SLC2A13: variants seen among roughly 807,000 people sequenced by gnomAD.
SLC2A13 encodes the protein proton myo-inositol cotransporter.
A neutral mutation model predicts 64.4 loss-of-function variants in SLC2A13; 32 were observed. That is an observed-to-expected ratio of 0.50 (90% CI 0.37 to 0.67). SLC2A13 has a LOEUF of 0.67. Among genes scored for constraint, SLC2A13 ranks in the 30% least tolerant of loss-of-function variants. SLC2A13 has a pLI of 0.00. For synonymous variants in SLC2A13, 338 were observed against 327.1 expected (o/e 1.03, Z -0.36); for missense variants, 743 against 829.2 (o/e 0.90, Z 1.28).
At chr12:40,010,339 TATTG>T (rs1467583335) in intron 3 of SLC2A13, among the ~76,000 whole-genome samples, 19 of 152,328 alleles carry the variant, frequency 1.2e-4, no homozygotes, top group African/African-American at 4.3e-4. Context: ...TTGTCTGAAA[TATTG>T]ATTATTAGGG....
At chr12:39,874,931 TA>T (rs2135946067) in intron 4 of SLC2A13, among the ~76,000 whole-genome samples, 1 of 152,310 alleles carries the variant, frequency 6.6e-6, no homozygotes, top group African/African-American at 2.4e-5. Flanking sequence ...TGGAAAACAG[TA>T]AGGGGAGGAG....
intron 3 of SLC2A13, among the ~76,000 whole-genome samples, chr12:40,023,727 A>G (rs1947759175): frequency 6.6e-6 from 1 of 152,170 alleles, no homozygotes; most frequent in Admixed American, 6.5e-5. Context: ...CCCTACTTTT[A>G]ATATCATCTC....
chr12:39,865,796 T>C (rs1015525448), intron 5 of SLC2A13, among the ~76,000 whole-genome samples: 1 of 152,212 alleles, frequency 6.6e-6, no homozygotes. Flanking sequence ...TAATGCTGCA[T>C]GTTCTCATTT....
At chr12:40,068,279 G>A in intron 1 of SLC2A13, 1 of 385,382 alleles carries the variant, frequency 2.6e-6, no homozygotes, top group South Asian at 1.9e-5. Context: ...TGCTTCTAAA[G>A]ACATCAGAAT....
At chr12:40,045,294 T>C (rs1948153621) in intron 2 of SLC2A13, among the ~76,000 whole-genome samples, 1 of 152,048 alleles carries the variant, frequency 6.6e-6, no homozygotes, top group Non-Finnish European at 1.5e-5. Context: ...AATATGAGTA[T>C]GGAAAAGAAA....
chr12:40,068,903 G>A (rs1167839582), intron 1 of SLC2A13, among the ~76,000 whole-genome samples: 3 of 151,344 alleles, frequency 2.0e-5, no homozygotes, highest in African/African-American at 7.3e-5. Flanking sequence ...AAGTCACAAA[G>A]AAAGAGCTAG....
intron 7 of SLC2A13, among the ~76,000 whole-genome samples, chr12:39,826,854 A>ATTTTTTTTTTTTTTTTTTTTTTTT (rs63699664): frequency 1.5e-5 from 1 of 67,416 alleles, no homozygotes; most frequent in Non-Finnish European, 2.5e-5. Flanking sequence ...GTCTCTTTCA[A>ATTTTTTTTTTTTTTTTTTTTTTTT]TTTTTTTTTT....
At chr12:39,826,880 A>G (rs1332884488) in intron 7 of SLC2A13, among the ~76,000 whole-genome samples, 1 of 23,092 alleles carries the variant, frequency 4.3e-5, no homozygotes, top group Non-Finnish European at 7.7e-5. Context: ...TTTGCAATGC[A>G]AGGTTCTTTA....
chr12:40,105,200 T>C lies in SLC2A13; in HGVS notation c.556+53A>G. ...GGCAAGAGGCACGCAACACCCAGGG[T>C]CAAGGGCGGTGACAATGGGATCCCG... On this transcript the variant is annotated intron_variant, in intron 1 of 9. Transcript: ENST00000280871. The surrounding 1 kb of genome is among the most constrained non-coding windows in gnomAD (Gnocchi z 4.2). 2.0e-6 allele frequency: 3 copies of C among 1,485,002 alleles called. No individual in the cohort carries two copies. The East Asian group carries it at 7.6e-5, about 38-fold the overall frequency. The allele number at this position is 1,485,002 out of a possible 1,614,324, so 92.0% of individuals were successfully genotyped here.
At chr12:40,065,784 C>T in intron 1 of SLC2A13, among the ~76,000 whole-genome samples, 1 of 152,126 alleles carries the variant, frequency 6.6e-6, no homozygotes, top group East Asian at 1.9e-4. Flanking sequence ...AGGAGCTAAA[C>T]AATAATTTCT....
chr12:39,968,461 C>G (rs1216588885), intron 3 of SLC2A13, among the ~76,000 whole-genome samples: 4 of 152,014 alleles, frequency 2.6e-5, no homozygotes, highest in African/African-American at 9.7e-5. Flanking sequence ...TCCCTTCCAA[C>G]ACAAAGATTC....
At chr12:39,900,185 G>A (rs1016758967) in intron 4 of SLC2A13, among the ~76,000 whole-genome samples, 5 of 151,992 alleles carry the variant, frequency 3.3e-5, no homozygotes, top group South Asian at 2.1e-4. Context: ...TTGATGGGAC[G>A]TATCTCAAAA....
chr12:39,912,006 C>T (rs1945440089), intron 4 of SLC2A13, among the ~76,000 whole-genome samples: 1 of 152,006 alleles, frequency 6.6e-6, no homozygotes, highest in African/African-American at 2.4e-5. Context: ...TCTCTTCTGA[C>T]TCCCATGAGG....
Position 40,105,898 on chromosome 12 carries a change from C to T in SLC2A13, c.-90G>A. 1.6e-6 allele frequency: 2 copies of T among 1,250,488 alleles called. No individual in the cohort carries two copies. The highest frequency in any genetic ancestry group is 2.0e-6 in the Non-Finnish European group (2 of 990,294). 77.5% of individuals were successfully genotyped at this position (1,250,488 alleles called of 1,614,324 possible). On this transcript the variant is annotated 5_prime_UTR_variant, in exon 1 of 10. Transcript: ENST00000280871. This position sits in a 1 kb window ranked among gnomAD's most constrained non-coding sequence, Gnocchi z 4.2. ...GACAGCCCGAGCCGGCGGGAGCAAC[C>T]GCCGCTGCCGCCGCTTTCTTCCTCC...
Position 40,096,225 on chromosome 12 carries a change from G to A in SLC2A13, c.556+9028C>T, listed in dbSNP as rs377107136. On this transcript the variant is annotated intron_variant, in intron 1 of 9. Transcript: ENST00000280871. The stretch of plus-strand genomic sequence containing the variant: ...ATTACAGGCATGAGCCACCGCACCC[G>A]GCCAGCCCTGAGTTTTTAATTTGCT... Among the ~76,000 whole-genome samples the A allele has an allele frequency of 4.6e-5, 7 of 151,870 alleles. No individual in the cohort carries two copies. The East Asian group carries it at 5.8e-4, about 13-fold the overall frequency.
chr12:39,907,950 A>G (rs1422650171), intron 4 of SLC2A13: 1 of 151,302 alleles, frequency 6.6e-6, no homozygotes, highest in East Asian at 1.9e-4. Context: ...TACGCCTCCA[A>G]AAGTTTCAGT....
In SLC2A13 at chr12:39,972,896, C is replaced by T. The variant is rs28370722; in HGVS notation, c.926-21531G>A. On this transcript the variant is annotated intron_variant, in intron 3 of 9. Transcript: ENST00000280871. The stretch of plus-strand genomic sequence containing the variant: ...CAGCCTGACCAACATGGAGAAACCC[C>T]GTCTCTACTAAAAATACAAAATTAG... 1.8e-3 allele frequency among the ~76,000 whole-genome samples: 276 copies of T among 152,118 alleles called. 1 individual carries two copies. The highest frequency in any genetic ancestry group is 6.1e-3 in the African/African-American group (253 of 41,502).
At chr12:39,997,096 G>T (rs181133615) in intron 3 of SLC2A13, among the ~76,000 whole-genome samples, 1 of 152,144 alleles carries the variant, frequency 6.6e-6, no homozygotes. Context: ...TAAGCAAAAA[G>T]AATAAATCTG....
chr12:39,831,966 G>T (rs749902832), intron 6 of SLC2A13, among the ~76,000 whole-genome samples: 6 of 152,052 alleles, frequency 3.9e-5, no homozygotes, highest in Non-Finnish European at 8.8e-5. Flanking sequence ...AACAAAAACA[G>T]ACTAACACAA....
Sources: gnomAD v4.1 joint callset for allele counts (sites outside exome capture counted in the v4.1 genomes callset) on GRCh38, gnomAD v4.1.1 for gene constraint, Gnocchi (gnomAD v3.1) non-coding constraint, MANE v1.5 for transcripts, NCBI Gene and HGNC (gene_info 2026-07-23, HGNC 2026-07-21) for gene names.